The following PARP12 variants were observed in gnomAD, a reference collection of about 807,000 sequenced individuals.
PARP12 encodes poly(ADP-ribose) polymerase family member 12.
PARP12 carries 59 observed loss-of-function variants against 72.4 expected under a neutral mutation model. The ratio of observed to expected loss-of-function variants is 0.81; its 90% confidence interval spans 0.66 to 1.01. PARP12 has a LOEUF of 1.01. Among genes scored for constraint, PARP12 ranks in the 50% least tolerant of loss-of-function variants. PARP12 has a pLI of 0.00. For synonymous variants in PARP12, 403 were observed against 371.4 expected, an observed-to-expected ratio of 1.09 and a Z score of -0.98; for missense variants, 851 against 914.0, an observed-to-expected ratio of 0.93 and a Z score of 0.89.
At position 140,030,608 on chromosome 7, in the gene PARP12, T is replaced by C. The variant is rs558008964; in HGVS notation, c.1422-1920A>G. 1.5e-3 allele frequency among the ~76,000 whole-genome samples: 223 copies of C among 152,264 alleles called. 1 individual carries two copies. The highest frequency in any genetic ancestry group is 1.6e-3 in the Non-Finnish European group (106 of 68,004). On this transcript the variant is annotated intron_variant, in intron 8 of 11. Transcript: ENST00000263549. ...GCGACTCCATCTCAAAATACATACA[T>C]ACATACATGCATACATACATACGTA... is the stretch of plus-strand genomic sequence containing the variant.
intron 3 of PARP12, among the ~76,000 whole-genome samples, chr7:140,056,558 G>C (rs1227812652): frequency 6.6e-6 from 1 of 152,116 alleles, no homozygotes; most frequent in Non-Finnish European, 1.5e-5. Context: ...CTGCACAGGG[G>C]GAGGAGCCAA....
chr7:140,028,579 T>A, intron 9 of PARP12, 34 bp downstream of exon 9: 1 of 1,525,580 alleles, frequency 6.6e-7, no homozygotes, highest in Non-Finnish European at 8.9e-7. Context: ...ACAGAACACC[T>A]TCCTGTCCAG....
chr7:140,057,203 C>A, intron 2 of PARP12, 50 bp from the exon 3 acceptor site: 2 of 1,544,168 alleles, frequency 1.3e-6, no homozygotes, highest in South Asian at 2.5e-5. Flanking sequence ...TCTCACACGA[C>A]ACCACCTCCC....
chr7:140,048,223 C>T (rs1816816081), intron 4 of PARP12, among the ~76,000 whole-genome samples: 1 of 152,188 alleles, frequency 6.6e-6, no homozygotes, highest in Admixed American at 6.5e-5. Context: ...CACTCTCCCA[C>T]CAACATCCAC....
At chr7:140,041,607 C>G (rs1490888424) in intron 6 of PARP12, 37 bp downstream of exon 6, 1 of 1,584,522 alleles carries the variant, frequency 6.3e-7, no homozygotes, top group African/African-American at 1.3e-5. Flanking sequence ...TACAGATCCT[C>G]AGGACAAAAC....
At chr7:140,054,879 T>A in intron 3 of PARP12, 116 bp from the exon 4 acceptor site, 1 of 853,898 alleles carries the variant, frequency 1.2e-6, no homozygotes, top group Non-Finnish European at 1.9e-6. Flanking sequence ...CACAAAGCCC[T>A]ATCGTGTTTG....
Position 140,062,656 on chromosome 7 carries a change from G to A in PARP12, c.192C>T (p.Arg64=), listed in dbSNP as rs1223138212. The change falls in exon 1 of 12, where the codon CGC becomes CGT. Residue 64 remains arginine, a synonymous_variant. Transcript: ENST00000263549. ...GCAGCGGCGAGGCGGCCAGCACCAC[G>A]CGCTCCGGGGCCGCGGCTGCGCCGC... is the stretch of plus-strand genomic sequence containing the variant. The part of the protein sequence containing the change: ...RAGGAAAAPE[R]VVLAASPLRL... 1.5e-6 allele frequency: 2 copies of A among 1,300,296 alleles called. No individual in the cohort carries two copies. The highest frequency in any genetic ancestry group is 1.9e-6 in the Non-Finnish European group (2 of 1,028,286). 80.5% of individuals were successfully genotyped at this position (1,300,296 alleles called of 1,614,324 possible).
Position 140,062,793 on chromosome 7 carries a change from C to T in PARP12, c.55G>A (p.Gly19Ser), listed in dbSNP as rs1341179329. The change falls in exon 1 of 12, where the codon GGC becomes AGC. Residue 19 changes from glycine to serine, a missense_variant. Gly to Ser is a moderately conservative substitution (Grantham distance 56). Around this residue, in one of 3 missense-constraint regions of PARP12, gnomAD observed 492 missense variants for 489.3 expected, o/e 1.01. Transcript: ENST00000263549. ...EVTQVLCAAGGALELPELRRR... is the reference protein window; with the variant it reads ...EVTQVLCAAGSALELPELRRR... ...CGCAGCTCGGGCAACTCCAGGGCGC[C>T]CCCGGCCGCGCACAGCACCTGGGTG... 1 of 1,412,184 alleles carries T rather than the reference C, an allele frequency of 7.1e-7. No individual in the cohort carries two copies. The highest frequency in any genetic ancestry group is 9.3e-7 in the Non-Finnish European group (1 of 1,080,422). The allele number at this position is 1,412,184 out of a possible 1,614,324, so 87.5% of individuals were successfully genotyped here.
At position 140,023,789 on chromosome 7, in the gene PARP12, A is replaced by T. The variant is rs1400364765; in HGVS notation, c.*771T>A. 2 of 152,798 alleles carry T rather than the reference A, an allele frequency of 1.3e-5. No individual in the cohort carries two copies. Among genetic ancestry groups the T allele is most frequent in the Non-Finnish European group, 2.9e-5 (2 of 68,162 alleles). 9.5% of individuals were successfully genotyped at this position (152,798 alleles called of 1,614,324 possible). On this transcript the variant is annotated 3_prime_UTR_variant, in exon 12 of 12. Coordinates refer to ENST00000263549, the MANE Select transcript of PARP12 (RefSeq NM_022750.4). ...TTTTATTTCCATACTCTTTTGTGAC[A>T]TGTGTGGCACAAGTATTCAATCTCA...
chr7:140,061,504 G>A (rs1377588563), intron 1 of PARP12, among the ~76,000 whole-genome samples: 2 of 152,162 alleles, frequency 1.3e-5, no homozygotes, highest in African/African-American at 2.4e-5. Context: ...GAGCAGGGGA[G>A]GAAGGAATTC....
intron 5 of PARP12, 107 bp from the exon 6 acceptor site, chr7:140,041,946 T>C: frequency 1.0e-6 from 1 of 974,848 alleles, no homozygotes; most frequent in Non-Finnish European, 1.5e-6. Context: ...AAATGTGGCA[T>C]GCACATTTTA....
Position 140,027,137 on chromosome 7 carries a change from G to A in PARP12, c.1628+139C>T. ...CTGCCCTGGGGGAGCGGACGAAGGA[G>A]AGCAGACACACAGCTCCCAGCACAT... On this transcript the variant is annotated intron_variant, in intron 10 of 11. Coordinates refer to ENST00000263549, the MANE Select transcript of PARP12 (RefSeq NM_022750.4). The A allele has an allele frequency of 2.5e-6, 3 of 1,213,488 alleles. No individual in the cohort carries two copies. The East Asian group carries it at 7.3e-5, about 29-fold the overall frequency. The allele number at this position is 1,213,488 out of a possible 1,614,324, so 75.2% of individuals were successfully genotyped here.
Position 140,027,349 on chromosome 7 carries a change from G to T in PARP12, c.1555C>A (p.Arg519Ser). 1 of 1,614,080 alleles carries T rather than the reference G, an allele frequency of 6.2e-7. No individual in the cohort carries two copies. ...TGAACAAAGTAGAAAGGCAGCGTGCGGTTAAAGAGGTTCCAGACCTTCTGA... is the reference window on the plus strand; with the variant it reads ...TGAACAAAGTAGAAAGGCAGCGTGCTGTTAAAGAGGTTCCAGACCTTCTGA... ...EYQKVWNLFN[R>S]TLPFYFVQKI... The change falls in exon 10 of 12, where the codon CGC becomes AGC. Residue 519 changes from arginine (R) to serine (S), a missense_variant. Physicochemically the swap from Arg to Ser is moderately radical, Grantham distance 110. Around this residue, in one of 3 missense-constraint regions of PARP12, gnomAD observed 347 missense variants for 396.1 expected, o/e 0.88. Transcript: ENST00000263549.
At position 140,058,047 on chromosome 7, in the gene PARP12, A is replaced by C; in HGVS notation, c.327-13T>G. 1 of 1,614,174 alleles carries C rather than the reference A, an allele frequency of 6.2e-7. No homozygotes were observed. Among genetic ancestry groups the C allele is most frequent in the Non-Finnish European group, 8.5e-7 (1 of 1,179,976 alleles). ...CCTACAGTTCTTCCTGCAAAGAAGC[A>C]GAGCTGGTGTTATATGTCGAATTGA... On this transcript the variant is annotated splice_polypyrimidine_tract_variant and intron_variant, in intron 1 of 11. Coordinates refer to ENST00000263549, the MANE Select transcript of PARP12 (RefSeq NM_022750.4).
chr7:140,051,105 T>C (rs942229126), intron 4 of PARP12, among the ~76,000 whole-genome samples: 3 of 152,202 alleles, frequency 2.0e-5, no homozygotes, highest in African/African-American at 7.2e-5. Context: ...TTTGGGGGTG[T>C]TGAAAATGTT....
chr7:140,026,799 T>G lies in PARP12; in HGVS notation c.1629-451A>C, dbSNP rs552413754. On this transcript the variant is annotated intron_variant, in intron 10 of 11. Coordinates refer to ENST00000263549, the MANE Select transcript of PARP12 (RefSeq NM_022750.4). ...CACATTACACTACCCCAACCCCATC[T>G]GGGGACAGGTCAGCAAGACCCAGCC... 7.2e-5 allele frequency among the ~76,000 whole-genome samples: 11 copies of G among 152,284 alleles called. No homozygotes were observed. In the East Asian group the frequency reaches 1.9e-3, roughly 27 times the overall value.
intron 5 of PARP12, among the ~76,000 whole-genome samples, chr7:140,043,325 C>T (rs1816573518): frequency 6.6e-6 from 1 of 152,040 alleles, no homozygotes; most frequent in African/African-American, 2.4e-5. Flanking sequence ...GAACTATAAA[C>T]ATTAGTATTC....
chr7:140,025,436 C>A, intron 11 of PARP12: 1 of 347,922 alleles, frequency 2.9e-6, no homozygotes, highest in Admixed American at 3.6e-5. Context: ...CAGACGGAAA[C>A]TGACTAACAA....
chr7:140,059,899 T>A (rs1009078592), intron 1 of PARP12, among the ~76,000 whole-genome samples: 1 of 152,096 alleles, frequency 6.6e-6, no homozygotes, highest in Non-Finnish European at 1.5e-5. Flanking sequence ...CTGGATGGCA[T>A]AAAGCCTGAG....
Sources: allele counts gnomAD v4.1 joint callset (sites outside exome capture counted in the v4.1 genomes callset), GRCh38; gene constraint gnomAD v4.1.1; regional missense constraint gnomAD v4.1.1; transcripts MANE v1.5; gene names NCBI Gene and HGNC (gene_info 2026-07-23, HGNC 2026-07-21).